The following SGCZ variants were observed in gnomAD, a reference collection of about 807,000 sequenced individuals.
The protein encoded by SGCZ is sarcoglycan zeta, also known as zeta-sarcoglycan.
In SGCZ, 40 loss-of-function variants were observed where a neutral mutation model predicts 41.3. That is an observed-to-expected ratio of 0.97 (90% CI 0.75 to 1.26). The LOEUF is 1.26. Ranked by LOEUF, SGCZ falls within the 50% of genes most tolerant of loss-of-function variation. The pLI, the probability that SGCZ is intolerant of heterozygous loss-of-function variation, is 0.00. For missense variants in SGCZ, 552 were observed against 369.8 expected (o/e 1.49, Z -4.04); for synonymous variants, 206 against 137.5 (o/e 1.50, Z -3.49).
At chr8:14,914,886 G>A (rs965189606) in intron 1 of SGCZ, among the ~76,000 whole-genome samples, 2 of 152,070 alleles carry the variant, frequency 1.3e-5, no homozygotes, top group East Asian at 3.9e-4. Context: ...CCTTTGCTGG[G>A]AGCCAGCCCA....
intron 1 of SGCZ, among the ~76,000 whole-genome samples, chr8:15,110,762 A>G (rs1807017167): frequency 6.6e-6 from 1 of 152,142 alleles, no homozygotes; most frequent in Non-Finnish European, 1.5e-5. Context: ...TGAGGTCAGG[A>G]GTTCGAGACC....
At chr8:14,514,858 C>T (rs987752715) in intron 2 of SGCZ, among the ~76,000 whole-genome samples, 29 of 145,462 alleles carry the variant, frequency 2.0e-4, no homozygotes, top group African/African-American at 7.3e-4. Context: ...ATATATGAAC[C>T]CATAGACAGA....
At chr8:15,210,245 C>T (rs948035780) in intron 1 of SGCZ, among the ~76,000 whole-genome samples, 3 of 152,228 alleles carry the variant, frequency 2.0e-5, no homozygotes, top group South Asian at 2.1e-4. Context: ...TGGGGTGATA[C>T]GCATTTGCTA....
intron 1 of SGCZ, among the ~76,000 whole-genome samples, chr8:15,020,520 C>T (rs1803211538): frequency 6.6e-6 from 1 of 152,048 alleles, no homozygotes; most frequent in African/African-American, 2.4e-5. Flanking sequence ...CATTATTATT[C>T]TTGATTAAAA....
intron 1 of SGCZ, among the ~76,000 whole-genome samples, chr8:14,890,915 G>A (rs1410130652): frequency 6.6e-6 from 1 of 152,148 alleles, no homozygotes; most frequent in East Asian, 1.9e-4. Context: ...CTGTGCTCTA[G>A]AAATGGAAAA....
At chr8:14,201,969 C>T (rs1805469171) in intron 4 of SGCZ, among the ~76,000 whole-genome samples, 1 of 152,058 alleles carries the variant, frequency 6.6e-6, no homozygotes, top group Non-Finnish European at 1.5e-5. Flanking sequence ...TTTTAATGAA[C>T]CAAACCATAA....
chr8:14,900,155 C>T (rs545589575), intron 1 of SGCZ, among the ~76,000 whole-genome samples: 25 of 152,052 alleles, frequency 1.6e-4, no homozygotes, highest in South Asian at 4.2e-4. Context: ...ATCCACTTGA[C>T]TGTAGACAGA....
At chr8:14,572,930 A>G (rs1265374218) in intron 1 of SGCZ, among the ~76,000 whole-genome samples, 2 of 152,170 alleles carry the variant, frequency 1.3e-5, no homozygotes, top group Admixed American at 6.5e-5. Context: ...AATATTTACT[A>G]AATACCTATA....
chr8:14,352,480 A>G (rs1253148712), intron 2 of SGCZ, among the ~76,000 whole-genome samples: 2 of 152,124 alleles, frequency 1.3e-5, no homozygotes, highest in Non-Finnish European at 2.9e-5. Context: ...AGAGACATCA[A>G]AGACAGAAAC....
At chr8:15,077,436 A>G (rs1805576929) in intron 1 of SGCZ, among the ~76,000 whole-genome samples, 1 of 152,254 alleles carries the variant, frequency 6.6e-6, no homozygotes, top group African/African-American at 2.4e-5. Context: ...GAATTAGATT[A>G]GCAAAAGCAC....
chr8:14,387,542 G>A (rs1264291252), intron 2 of SGCZ, among the ~76,000 whole-genome samples: 1 of 152,016 alleles, frequency 6.6e-6, no homozygotes, highest in Admixed American at 6.6e-5. Flanking sequence ...TTTAAATGTT[G>A]CAAGAGTTAT....
chr8:15,085,544 A>G (rs1376297554), intron 1 of SGCZ, among the ~76,000 whole-genome samples: 2 of 152,228 alleles, frequency 1.3e-5, no homozygotes, highest in East Asian at 3.9e-4. Flanking sequence ...ACATGTCAAT[A>G]TCAGCTCAGT....
At chr8:14,383,789 C>G (rs17119223) in intron 2 of SGCZ, among the ~76,000 whole-genome samples, 8,333 of 152,062 alleles carry the variant, frequency 0.055, 507 homozygotes, top group East Asian at 0.29. Flanking sequence ...AGGGACTGTA[C>G]AGTTGAATGT....
chr8:14,616,512 T>A (rs2117355957), intron 1 of SGCZ, among the ~76,000 whole-genome samples: 1 of 152,258 alleles, frequency 6.6e-6, no homozygotes, highest in South Asian at 2.1e-4. Flanking sequence ...AAATTAGTGT[T>A]AGCCATGACA....
At chr8:14,843,204 T>C (rs1026157885) in intron 1 of SGCZ, among the ~76,000 whole-genome samples, 21 of 152,112 alleles carry the variant, frequency 1.4e-4, no homozygotes, top group African/African-American at 4.6e-4. Context: ...AAAGTGAGAG[T>C]TGGTTTTAAA....
At chr8:15,189,199 C>T (rs1043378323) in intron 1 of SGCZ, among the ~76,000 whole-genome samples, 3 of 152,214 alleles carry the variant, frequency 2.0e-5, no homozygotes, top group South Asian at 4.1e-4. Context: ...TGTTCCAGGT[C>T]ACATTTTAAG....
chr8:14,249,080 TGA>T (rs1799200292), intron 3 of SGCZ, among the ~76,000 whole-genome samples: 3 of 152,192 alleles, frequency 2.0e-5, no homozygotes, highest in East Asian at 1.9e-4. Context: ...AGTAGGTCTG[TGA>T]GAGTGTTTCT....
intron 2 of SGCZ, among the ~76,000 whole-genome samples, chr8:14,511,226 T>TATA (rs1491245310): frequency 8.7e-3 from 5 of 574 alleles, no homozygotes; most frequent in African/African-American, 0.015. Context: ...TGGCAGTCCC[T>TATA]GTAGGGAAAG....
At chr8:14,438,894 A>T (rs1397193968) in intron 2 of SGCZ, among the ~76,000 whole-genome samples, 2 of 152,094 alleles carry the variant, frequency 1.3e-5, no homozygotes, top group Admixed American at 6.6e-5. Flanking sequence ...GACAGAGAGT[A>T]TATTATAATG....
Sources: allele counts gnomAD v4.1 joint callset (sites outside exome capture counted in the v4.1 genomes callset), GRCh38; gene constraint gnomAD v4.1.1; transcripts MANE v1.5; gene names NCBI Gene and HGNC (gene_info 2026-07-23, HGNC 2026-07-21).